The following SAXO1 variants were observed in gnomAD, a reference collection of about 807,000 sequenced individuals.
SAXO1 encodes 4930500O09Rik.
SAXO1 carries 21 observed loss-of-function variants against 17.5 expected under a neutral mutation model. The observed-to-expected ratio is 1.20, with a 90% CI of 0.85 to 1.72. The LOEUF (loss-of-function observed/expected upper bound fraction) is 1.72. SAXO1 is among the 40% of genes most tolerant of loss of function. The pLI is 0.00. For missense variants in SAXO1, 843 were observed against 596.0 expected, an observed-to-expected ratio of 1.41 and a Z score of -4.32; for synonymous variants, 274 against 216.5, an observed-to-expected ratio of 1.27 and a Z score of -2.33.
chr9:19,014,454 G>C (rs566178422), intron 1 of SAXO1, among the ~76,000 whole-genome samples: 4,808 of 57,412 alleles, frequency 0.084, 136 homozygotes, highest in Non-Finnish European at 0.14. Context: ...GAGCGAAACT[G>C]TGTCTCAAAA....
At chr9:19,043,408 CA>C (rs886609558) in intron 1 of SAXO1, among the ~76,000 whole-genome samples, 1 of 151,956 alleles carries the variant, frequency 6.6e-6, no homozygotes, top group Non-Finnish European at 1.5e-5. Flanking sequence ...GGAAGGATAA[CA>C]GGGGGGTTAA....
At chr9:19,038,688 A>G (rs1836004177) in intron 1 of SAXO1, among the ~76,000 whole-genome samples, 2 of 151,720 alleles carry the variant, frequency 1.3e-5, no homozygotes, top group African/African-American at 4.8e-5. Flanking sequence ...GTACACCAGC[A>G]TGGCACATGT....
At chr9:18,987,526 C>A (rs56084621) in intron 1 of SAXO1, among the ~76,000 whole-genome samples, 41,019 of 152,114 alleles carry the variant, frequency 0.27, 6,868 homozygotes, top group Non-Finnish European at 0.36. Flanking sequence ...GGTAGTCCAC[C>A]CGCTCAGCCT....
intron 1 of SAXO1, among the ~76,000 whole-genome samples, chr9:18,991,259 A>G (rs1357307581): frequency 6.6e-6 from 1 of 152,172 alleles, no homozygotes; most frequent in Non-Finnish European, 1.5e-5. Context: ...AGACTCACAC[A>G]TGCACACTTA....
chr9:18,960,092 G>T (rs764941910), intron 1 of SAXO1, among the ~76,000 whole-genome samples: 1 of 152,234 alleles, frequency 6.6e-6, no homozygotes, highest in Admixed American at 6.5e-5. Flanking sequence ...CTACTGGAGA[G>T]CACCTCATGG....
At chr9:19,034,499 T>A (rs937347306), upstream of SAXO1, among the ~76,000 whole-genome samples, 1 of 152,194 alleles carries the variant, frequency 6.6e-6, no homozygotes, top group East Asian at 1.9e-4. Flanking sequence ...TTTCAAAAAA[T>A]TTGTGTAAAC....
At chr9:18,935,979 G>A (rs1359833137) in intron 3 of SAXO1, among the ~76,000 whole-genome samples, 2 of 152,292 alleles carry the variant, frequency 1.3e-5, no homozygotes, top group East Asian at 3.9e-4. Flanking sequence ...CAGACTCCTA[G>A]TGTTAATAAC....
intron 2 of SAXO1, among the ~76,000 whole-genome samples, chr9:18,944,879 T>C (rs1206496512): frequency 6.6e-6 from 1 of 152,236 alleles, no homozygotes; most frequent in Non-Finnish European, 1.5e-5. Context: ...TGTTTATTTA[T>C]GCAAACTTGA....
In SAXO1 at chr9:18,964,230, T is replaced by C. The variant is rs142400516; in HGVS notation, c.39-13293A>G. Reference sequence around the variant, plus strand: ...TCATCAGGGATATTGGCCTGAAATTTTCTTTTTTTGTTGTGTCTCTGCCAG... The same window carrying C: ...TCATCAGGGATATTGGCCTGAAATTCTCTTTTTTTGTTGTGTCTCTGCCAG... On this transcript the variant is annotated intron_variant, in intron 1 of 3. Coordinates refer to ENST00000380534, the MANE Select transcript of SAXO1 (RefSeq NM_153707.4). 2.0e-5 allele frequency among the ~76,000 whole-genome samples: 3 copies of C among 152,316 alleles called. No individual in the cohort carries two copies. In the East Asian group the frequency reaches 5.8e-4, roughly 29 times the overall value.
chr9:19,019,819 C>T (rs1267229694), intron 1 of SAXO1, among the ~76,000 whole-genome samples: 1 of 152,106 alleles, frequency 6.6e-6, no homozygotes, highest in Non-Finnish European at 1.5e-5. Context: ...GACCCCAAAT[C>T]CACTTTCACG....
At chr9:18,967,303 G>C (rs577671474) in intron 1 of SAXO1, among the ~76,000 whole-genome samples, 1 of 152,234 alleles carries the variant, frequency 6.6e-6, no homozygotes, top group East Asian at 1.9e-4. Flanking sequence ...TCTCTTCAGA[G>C]TTGGCAGGCA....
chr9:18,980,388 G>C (rs1300072596), intron 1 of SAXO1, among the ~76,000 whole-genome samples: 1 of 152,070 alleles, frequency 6.6e-6, no homozygotes, highest in African/African-American at 2.4e-5. Flanking sequence ...TTGAAAGGAA[G>C]CTTCAGGAGA....
At chr9:19,030,702 A>T (rs562322211) in intron 1 of SAXO1, among the ~76,000 whole-genome samples, 15 of 152,086 alleles carry the variant, frequency 9.9e-5, no homozygotes, top group African/African-American at 3.4e-4. Context: ...TCAAAAAAAT[A>T]AAAAAAATAA....
chr9:18,988,002 T>C (rs1324218019), intron 1 of SAXO1, among the ~76,000 whole-genome samples: 1 of 152,220 alleles, frequency 6.6e-6, no homozygotes, highest in Non-Finnish European at 1.5e-5. Flanking sequence ...TTTCAGGCAC[T>C]GTAATGGTTC....
intron 1 of SAXO1, among the ~76,000 whole-genome samples, chr9:18,982,418 C>T (rs1248367883): frequency 6.6e-6 from 1 of 152,184 alleles, no homozygotes; most frequent in African/African-American, 2.4e-5. Flanking sequence ...AGCTCTGACA[C>T]GTCAGGGCAG....
chr9:18,942,408 T>C (rs1831604994), intron 2 of SAXO1, among the ~76,000 whole-genome samples: 1 of 152,158 alleles, frequency 6.6e-6, no homozygotes, highest in Non-Finnish European at 1.5e-5. Flanking sequence ...CCGTTTCTAC[T>C]GCTGCGCTCT....
intron 1 of SAXO1, among the ~76,000 whole-genome samples, chr9:19,043,729 C>G (rs1294470159): frequency 1.3e-5 from 2 of 151,786 alleles, no homozygotes; most frequent in African/African-American, 2.4e-5. Flanking sequence ...GATCACAACA[C>G]TGCACTCCAG....
chr9:18,989,904 C>G (rs150339098), intron 1 of SAXO1, among the ~76,000 whole-genome samples: 44 of 152,258 alleles, frequency 2.9e-4, no homozygotes, highest in Non-Finnish European at 5.9e-4. Flanking sequence ...CTTTGAGGAC[C>G]AAGGGAGATG....
chr9:19,049,238 G>C lies in SAXO1; in HGVS notation c.-187C>G, dbSNP rs1470002502. On this transcript the variant is annotated 5_prime_UTR_variant, in exon 1 of 4. Transcript: ENST00000542071. The surrounding 1 kb of genome is among the most constrained non-coding windows in gnomAD (Gnocchi z 5.4). ...AGCAACAGCAAACCCAGCTGCAACA[G>C]AACAAAAGACCGAAGTCCTCGAGCT... 1.8e-5 allele frequency: 3 copies of C among 164,462 alleles called. No homozygotes were observed. Among genetic ancestry groups the C allele is most frequent in the East Asian group, 1.9e-4 (1 of 5,374 alleles). The allele number at this position is 164,462 out of a possible 1,614,324, so 10.2% of individuals were successfully genotyped here. A position where few individuals can be genotyped will look rare whatever the true frequency, so the allele number is the denominator to read the frequency against.
Sources: gnomAD v4.1 joint callset for allele counts (sites outside exome capture counted in the v4.1 genomes callset) on GRCh38, gnomAD v4.1.1 for gene constraint, Gnocchi (gnomAD v3.1) non-coding constraint, MANE v1.5 for transcripts, NCBI Gene and HGNC (gene_info 2026-07-23, HGNC 2026-07-21) for gene names.